Variants in C5orf47 observed in about 807,000 individuals in gnomAD.
C5orf47 encodes uncharacterized protein C5orf47.
Under a neutral mutation model 20.6 loss-of-function variants are expected in C5orf47, and 20 were observed. That is an observed-to-expected ratio of 0.97 (90% CI 0.68 to 1.41). C5orf47 has a LOEUF of 1.41. Ranked by LOEUF, C5orf47 falls within the 40% of genes most tolerant of loss-of-function variation. The probability of loss-of-function intolerance (pLI) is 0.00; values close to 1 mark genes in which losing one functional copy is unlikely to be tolerated. For synonymous variants in C5orf47, 106 were observed against 97.3 expected (o/e 1.09, Z -0.53); for missense variants, 262 against 238.4 (o/e 1.10, Z -0.65).
At chr5:173,996,670 T>C (rs1479064810) in intron 1 of C5orf47, among the ~76,000 whole-genome samples, 1 of 152,240 alleles carries the variant, frequency 6.6e-6, no homozygotes, top group African/African-American at 2.4e-5. Context: ...ACTAAATTTC[T>C]TTTTAGAACA....
chr5:173,989,632 A>C, intron 1 of C5orf47, 44 bp downstream of exon 1: 1 of 1,357,204 alleles, frequency 7.4e-7, no homozygotes, highest in Non-Finnish European at 9.5e-7. Context: ...GCGGGGCGGG[A>C]CGGGGCGGAG....
At chr5:174,000,556 C>T (rs528414859) in intron 3 of C5orf47, among the ~76,000 whole-genome samples, 26 of 152,122 alleles carry the variant, frequency 1.7e-4, no homozygotes, top group South Asian at 1.7e-3. Flanking sequence ...GTTCTTAGTA[C>T]GGTCATTCTA....
At chr5:174,003,534 A>G (rs773197824) in intron 4 of C5orf47, among the ~76,000 whole-genome samples, 1 of 152,178 alleles carries the variant, frequency 6.6e-6, no homozygotes, top group Non-Finnish European at 1.5e-5. Flanking sequence ...ATGCTAAGCA[A>G]GTTATTGGAA....
chr5:173,989,439 C>A lies in C5orf47; in HGVS notation c.176C>A (p.Ala59Glu). ...CAGGAGAAGCCGAGGGAAGCAATGG[C>A]GGTGGCGGGCGTTCAGGGTGGCAGC... is the stretch of plus-strand genomic sequence containing the variant. ...CRQEKPREAM[A>E]VAGVQGGSEL... The change falls in exon 1 of 5, where the codon GCG (alanine) becomes GAG (glutamate). Residue 59 changes from alanine to glutamate, a missense_variant. Transcript: ENST00000340147. The A allele has an allele frequency of 1.3e-6, 2 of 1,549,330 alleles. No individual in the cohort carries two copies. Among genetic ancestry groups the A allele is most frequent in the Non-Finnish European group, 1.7e-6 (2 of 1,145,896 alleles).
intron 1 of C5orf47, among the ~76,000 whole-genome samples, chr5:173,991,284 A>G (rs138661980): frequency 5.9e-5 from 9 of 152,084 alleles, no homozygotes; most frequent in Non-Finnish European, 1.2e-4. Flanking sequence ...ATTTTTTTTC[A>G]CCCATTTGCC....
At position 173,992,267 on chromosome 5, in the gene C5orf47, G is replaced by T. The variant is rs1416075473; in HGVS notation, c.325+2679G>T. On this transcript the variant is annotated intron_variant, in intron 1 of 4. Coordinates refer to ENST00000340147, the MANE Select transcript of C5orf47 (RefSeq NM_001144954.2). ...TTTTTTTTACTAAGCTAAGATTTGGGCCCGATACAGTGCCTCACACCTCTA... is the reference window on the plus strand; with the variant it reads ...TTTTTTTTACTAAGCTAAGATTTGGTCCCGATACAGTGCCTCACACCTCTA... Among the ~76,000 whole-genome samples, 4 of 149,122 alleles carry T rather than the reference G, an allele frequency of 2.7e-5. No homozygotes were observed. The East Asian group carries it at 5.9e-4, about 22-fold the overall frequency.
At chr5:173,993,976 G>T (rs990484003) in intron 1 of C5orf47, among the ~76,000 whole-genome samples, 4 of 152,120 alleles carry the variant, frequency 2.6e-5, no homozygotes, top group African/African-American at 9.7e-5. Flanking sequence ...CCACGCTTTG[G>T]GATTTGACGA....
At chr5:174,006,445 C>T (rs1314565362), downstream of C5orf47, among the ~76,000 whole-genome samples, 1 of 151,962 alleles carries the variant, frequency 6.6e-6, no homozygotes, top group African/African-American at 2.4e-5. Flanking sequence ...CCATTTATTC[C>T]AGGTCACCTG....
intron 1 of C5orf47, among the ~76,000 whole-genome samples, chr5:173,994,291 A>T (rs1759050655): frequency 6.6e-6 from 1 of 152,224 alleles, no homozygotes; most frequent in Non-Finnish European, 1.5e-5. Context: ...TTTCACTGGG[A>T]TTCAGAAAAC....
intron 4 of C5orf47, 114 bp from the exon 5 acceptor site, chr5:174,004,157 C>T (rs150676509): frequency 2.6e-5 from 4 of 152,276 alleles, no homozygotes; most frequent in Non-Finnish European, 5.9e-5. Flanking sequence ...ACAGTAAGTA[C>T]AGGGAGTTTC....
At chr5:174,001,057 A>G (rs1759187778) in intron 3 of C5orf47, 139 bp from the exon 4 acceptor site, 2 of 652,400 alleles carry the variant, frequency 3.1e-6, no homozygotes, top group Non-Finnish European at 5.4e-6. Flanking sequence ...GTTAAACTAC[A>G]TTACAGAACT....
Position 173,989,595 on chromosome 5 carries a change from C to T in C5orf47, c.325+7C>T. 7.0e-7 allele frequency: 1 copy of T among 1,431,280 alleles called. No individual in the cohort carries two copies. Among genetic ancestry groups the T allele is most frequent in the Non-Finnish European group, 9.1e-7 (1 of 1,094,006 alleles). 88.7% of individuals were successfully genotyped at this position (1,431,280 alleles called of 1,614,324 possible). On this transcript the variant is annotated splice_region_variant and intron_variant, in intron 1 of 4. Coordinates refer to ENST00000340147, the MANE Select transcript of C5orf47 (RefSeq NM_001144954.2). ...AGACAGTCGGCGCGTGCAGGTGGTG[C>T]AGCGGGGCAGGGCGGGACCGGGCGC...
intron 2 of C5orf47, 38 bp from the exon 3 acceptor site, chr5:173,999,662 T>G (rs1169467831): frequency 1.0e-6 from 1 of 1,004,116 alleles, no homozygotes; most frequent in Non-Finnish European, 1.4e-6. Flanking sequence ...TTCCTACTTT[T>G]CTGCTCAGCA....
chr5:173,990,142 T>A (rs867983487), intron 1 of C5orf47, among the ~76,000 whole-genome samples: 10 of 145,758 alleles, frequency 6.9e-5, no homozygotes, highest in African/African-American at 2.5e-4. Flanking sequence ...TTTTTTTTTT[T>A]TGAGACGGGG....
Position 173,995,107 on chromosome 5 carries a change from C to T in C5orf47, c.326-3046C>T, listed in dbSNP as rs138115248. Among the ~76,000 whole-genome samples the T allele has an allele frequency of 4.6e-3, 705 of 152,280 alleles. 6 individuals carry two copies. Among genetic ancestry groups the T allele is most frequent in the African/African-American group, 0.016 (668 of 41,544 alleles). On this transcript the variant is annotated intron_variant, in intron 1 of 4. Transcript: ENST00000340147. ...GGATTACAGGCGTGAACCACCACAC[C>T]CAGCCCTTAATGTTAATATTAAGTA...
Position 174,005,799 on chromosome 5 carries a change from G to C in C5orf47, c.*1545G>C, listed in dbSNP as rs890857060. 9.2e-5 allele frequency: 14 copies of C among 152,234 alleles called. No homozygotes were observed. The highest frequency in any genetic ancestry group is 2.1e-4 in the Non-Finnish European group (14 of 68,022). 9.4% of individuals were successfully genotyped at this position (152,234 alleles called of 1,614,324 possible). On this transcript the variant is annotated 3_prime_UTR_variant, in exon 5 of 5. Transcript: ENST00000340147. ...CTTATACAACTTGACATAGTAGTCTGTTTTAATTTATTAGGTATATCAATA... is the reference window on the plus strand; with the variant it reads ...CTTATACAACTTGACATAGTAGTCTCTTTTAATTTATTAGGTATATCAATA...
chr5:173,997,915 A>C (rs900768714), intron 1 of C5orf47, among the ~76,000 whole-genome samples: 1 of 152,116 alleles, frequency 6.6e-6, no homozygotes, highest in African/African-American at 2.4e-5. Context: ...CAAACCAGAA[A>C]AGGAAGACTG....
At chr5:173,995,246 G>A (rs1254272691) in intron 1 of C5orf47, among the ~76,000 whole-genome samples, 1 of 152,228 alleles carries the variant, frequency 6.6e-6, no homozygotes, top group African/African-American at 2.4e-5. Flanking sequence ...TGACACAGAT[G>A]TATCAGACAA....
chr5:174,001,267 G>A, intron 4 of C5orf47, 36 bp downstream of exon 4: 5 of 1,139,602 alleles, frequency 4.4e-6, no homozygotes, highest in South Asian at 1.4e-5. Flanking sequence ...ATGGAATATA[G>A]ATTTTATTCC....
Sources: allele counts gnomAD v4.1 joint callset (sites outside exome capture counted in the v4.1 genomes callset), GRCh38; gene constraint gnomAD v4.1.1; transcripts MANE v1.5; gene names NCBI Gene and HGNC (gene_info 2026-07-23, HGNC 2026-07-21).